The following AKAP6 variants were observed in gnomAD, a reference collection of about 807,000 sequenced individuals.
AKAP6 encodes the protein A-kinase anchor protein 6.
A neutral mutation model predicts 188.5 loss-of-function variants in AKAP6; 58 were observed. The observed-to-expected ratio is 0.31, with a 90% CI of 0.25 to 0.38. AKAP6 has a LOEUF of 0.38. AKAP6 is among the 10% of genes least tolerant of loss of function. The pLI is 1.00. For synonymous variants in AKAP6, 989 were observed against 998.6 expected (o/e 0.99, Z 0.18); for missense variants, 2,710 against 2,740.0 (o/e 0.99, Z 0.24).
intron 2 of AKAP6, among the ~76,000 whole-genome samples, chr14:32,533,320 G>T (rs546273996): frequency 6.6e-6 from 1 of 152,292 alleles, no homozygotes; most frequent in East Asian, 1.9e-4. Context: ...GGAAAAAAGG[G>T]TGTTAGTATG....
intron 7 of AKAP6, among the ~76,000 whole-genome samples, chr14:32,654,458 TAAATC>T (rs1374102622): frequency 1.3e-5 from 2 of 152,014 alleles, no homozygotes; most frequent in Non-Finnish European, 2.9e-5. Flanking sequence ...ACAAACCAAT[TAAATC>T]AAAACAAAAC....
Position 32,573,269 on chromosome 14 carries a change from T to C in AKAP6, c.2347-3851T>C, listed in dbSNP as rs146338239. ...TCAGCCTGTGGCAGAGAGTAGAACA[T>C]GCATAAAATGTACTTTTCATGTAGT... On this transcript the variant is annotated intron_variant, in intron 4 of 13. Coordinates refer to ENST00000280979, the MANE Select transcript of AKAP6 (RefSeq NM_004274.5). Among the ~76,000 whole-genome samples, 164 of 152,318 alleles carry C rather than the reference T, an allele frequency of 1.1e-3. 1 individual carries two copies. Among genetic ancestry groups the C allele is most frequent in the African/African-American group, 3.8e-3 (157 of 41,570 alleles).
At chr14:32,368,103 G>GTCTC (rs141495689) in intron 1 of AKAP6, among the ~76,000 whole-genome samples, 241 of 149,516 alleles carry the variant, frequency 1.6e-3, no homozygotes, top group Middle Eastern at 3.4e-3. Flanking sequence ...CCCTCCCTCT[G>GTCTC]TCTCTCTCTC....
intron 7 of AKAP6, among the ~76,000 whole-genome samples, chr14:32,652,791 G>T (rs575229827): frequency 1.3e-5 from 2 of 152,260 alleles, no homozygotes; most frequent in East Asian, 3.9e-4. Flanking sequence ...AGTGGCTCAT[G>T]CGTATAATCC....
chr14:32,441,453 A>C (rs902741332), intron 2 of AKAP6, among the ~76,000 whole-genome samples: 1 of 152,064 alleles, frequency 6.6e-6, no homozygotes, highest in Non-Finnish European at 1.5e-5. Flanking sequence ...TTGAATAATT[A>C]TCTCTCTCTC....
intron 11 of AKAP6, among the ~76,000 whole-genome samples, chr14:32,765,316 G>T (rs2032678512): frequency 6.6e-6 from 1 of 152,108 alleles, no homozygotes; most frequent in Non-Finnish European, 1.5e-5. Context: ...AGTCGACTCA[G>T]AATGATCTTT....
chr14:32,757,675 A>G (rs1241374152), intron 11 of AKAP6, among the ~76,000 whole-genome samples: 1 of 152,218 alleles, frequency 6.6e-6, no homozygotes, highest in African/African-American at 2.4e-5. Flanking sequence ...CATGGTGGAT[A>G]CTGTGGTGAG....
intron 2 of AKAP6, among the ~76,000 whole-genome samples, chr14:32,483,888 G>A (rs561954225): frequency 8.9e-4 from 135 of 151,852 alleles, no homozygotes; most frequent in African/African-American, 3.0e-3. Context: ...TCAACCTGTC[G>A]TCTACATTAG....
Position 32,678,374 on chromosome 14 carries a change from C to T in AKAP6, c.2794C>T (p.Leu932=). The T allele has an allele frequency of 6.2e-7, 1 of 1,613,824 alleles. No homozygotes were observed. The highest frequency in any genetic ancestry group is 1.3e-5 in the African/African-American group (1 of 75,024). The change falls in exon 8 of 14, where the codon CTG becomes TTG. Residue 932 remains leucine, a synonymous_variant. Coordinates refer to ENST00000280979, the MANE Select transcript of AKAP6 (RefSeq NM_004274.5). The part of the protein sequence containing the change: ...RDAVEQMSLK[L]YSEQYTSSSK... ...TGCTGTTGAGCAGATGTCCCTCAAG[C>T]TGTACAGCGAGCAGTATACCAGCAG...
intron 7 of AKAP6, among the ~76,000 whole-genome samples, chr14:32,617,354 C>G (rs1378614967): frequency 6.6e-6 from 1 of 152,040 alleles, no homozygotes; most frequent in African/African-American, 2.4e-5. Flanking sequence ...CAGTAGCCAT[C>G]TATACCAAAA....
At chr14:32,576,623 C>G (rs1267762590) in intron 4 of AKAP6, among the ~76,000 whole-genome samples, 1 of 152,200 alleles carries the variant, frequency 6.6e-6, no homozygotes, top group South Asian at 2.1e-4. Context: ...CCTGTAAATA[C>G]TTATGTAATT....
In AKAP6 at chr14:32,338,505, G is replaced by A. The variant is rs567922000; in HGVS notation, c.-35+9097G>A. 1.4e-4 allele frequency among the ~76,000 whole-genome samples: 22 copies of A among 152,140 alleles called. No homozygotes were observed. In the South Asian group the frequency reaches 3.7e-3, roughly 26 times the overall value. ...ATTTATACATATATATATATAGACT[G>A]AAATTCTCTGAGCAAGAGATTAGTG... On this transcript the variant is annotated intron_variant, in intron 1 of 13. Coordinates refer to ENST00000280979, the MANE Select transcript of AKAP6 (RefSeq NM_004274.5).
intron 2 of AKAP6, among the ~76,000 whole-genome samples, chr14:32,500,429 C>T (rs138514342): frequency 6.6e-6 from 1 of 152,142 alleles, no homozygotes; most frequent in Non-Finnish European, 1.5e-5. Flanking sequence ...CAATAGTGAA[C>T]CAATGATCAC....
intron 11 of AKAP6, among the ~76,000 whole-genome samples, chr14:32,746,065 G>T (rs2031897506): frequency 6.6e-6 from 1 of 152,098 alleles, no homozygotes; most frequent in East Asian, 1.9e-4. Context: ...TTTCAGGGAA[G>T]TGGGCTCCCC....
intron 1 of AKAP6, among the ~76,000 whole-genome samples, chr14:32,350,049 T>G (rs1396494495): frequency 6.6e-6 from 1 of 152,186 alleles, no homozygotes. Flanking sequence ...GGAGAAGAGA[T>G]AGATCTTTCT....
At chr14:32,430,196 A>C (rs1566497845) in intron 1 of AKAP6, among the ~76,000 whole-genome samples, 1 of 152,242 alleles carries the variant, frequency 6.6e-6, no homozygotes, top group Non-Finnish European at 1.5e-5. Flanking sequence ...AACTTCCAAC[A>C]GCTTTGAAAT....
At chr14:32,749,700 G>A (rs768159006) in intron 11 of AKAP6, among the ~76,000 whole-genome samples, 2 of 152,170 alleles carry the variant, frequency 1.3e-5, no homozygotes, top group African/African-American at 2.4e-5. Flanking sequence ...CTGCTAGTGC[G>A]GTGATGGCAA....
At chr14:32,452,937 G>T (rs541957313) in intron 2 of AKAP6, among the ~76,000 whole-genome samples, 2 of 152,158 alleles carry the variant, frequency 1.3e-5, no homozygotes, top group Admixed American at 6.5e-5. Context: ...CTACTGTCAC[G>T]TATAGTATTC....
At position 32,773,849 on chromosome 14, in the gene AKAP6, G is replaced by A. The variant is rs374551617; in HGVS notation, c.3544G>A (p.Val1182Ile). Reference sequence around the variant, plus strand: ...GTGGGAAGCCATTGTCATGCAAGCCGTCCAGTGGCAAACACGTCTACAAAA... The same window carrying A: ...GTGGGAAGCCATTGTCATGCAAGCCATCCAGTGGCAAACACGTCTACAAAA... ...RRWEAIVMQAVQWQTRLQKKM... is the reference protein window; with the variant it reads ...RRWEAIVMQAIQWQTRLQKKM... Residue 1182 changes from valine to isoleucine, a missense_variant, in exon 12 of 14, where the codon GTC becomes ATC. Physicochemically the swap from Val to Ile is conservative, Grantham distance 29. Transcript: ENST00000280979. 46 of 1,613,968 alleles carry A rather than the reference G, an allele frequency of 2.9e-5. No homozygotes were observed. Among genetic ancestry groups the A allele is most frequent in the East Asian group, 2.0e-4 (9 of 44,886 alleles).
Sources: gnomAD v4.1 joint callset for allele counts (sites outside exome capture counted in the v4.1 genomes callset) on GRCh38, gnomAD v4.1.1 for gene constraint, MANE v1.5 for transcripts, NCBI Gene and HGNC (gene_info 2026-07-23, HGNC 2026-07-21) for gene names.